Variants in PCDHGA7 observed in about 807,000 individuals in gnomAD.
The protein encoded by PCDHGA7 is protocadherin gamma subfamily A, 7, also known as protocadherin gamma-A7.
In PCDHGA7, 44 loss-of-function variants were observed where a neutral mutation model predicts 58.3. The observed-to-expected ratio is 0.75, with a 90% confidence interval of 0.59 to 0.97. The LOEUF is 0.97. Ranked by LOEUF, PCDHGA7 falls within the 50% of genes least tolerant of loss-of-function variation. The probability of loss-of-function intolerance (pLI) is 0.00; values close to 1 mark genes in which losing one functional copy is unlikely to be tolerated. For missense variants in PCDHGA7, 1,266 were observed against 1,188.7 expected (o/e 1.06, Z -0.96); for synonymous variants, 516 against 504.2 (o/e 1.02, Z -0.31).
intron 1 of PCDHGA7, chr5:141,394,355 G>A: frequency 6.2e-7 from 1 of 1,614,182 alleles, no homozygotes; most frequent in Non-Finnish European, 8.5e-7. Context: ...CCGGTGTCCT[G>A]TATGCGCTGC....
chr5:141,452,929 G>A (rs2154564099), intron 1 of PCDHGA7, among the ~76,000 whole-genome samples: 1 of 152,310 alleles, frequency 6.6e-6, no homozygotes, highest in Admixed American at 6.5e-5. Flanking sequence ...AAGAGCTGCT[G>A]AAGATTTGCT....
chr5:141,395,178 G>T (rs1201622292), intron 1 of PCDHGA7: 2 of 1,614,142 alleles, frequency 1.2e-6, no homozygotes, highest in Non-Finnish European at 1.7e-6. Context: ...TGAGAAAAAT[G>T]ATTCTTTGTT....
At chr5:141,414,670 A>G in intron 1 of PCDHGA7, 1 of 1,613,894 alleles carries the variant, frequency 6.2e-7, no homozygotes. Context: ...GGCTGAAGAC[A>G]CCATCCAGGG....
chr5:141,388,379 C>T (rs901735153), intron 1 of PCDHGA7: 1 of 1,613,998 alleles, frequency 6.2e-7, no homozygotes, highest in South Asian at 1.1e-5. Flanking sequence ...TTGGTAGCAA[C>T]ACACTGCAGA....
chr5:141,508,799 C>T (rs962590711), intron 3 of PCDHGA7, among the ~76,000 whole-genome samples: 1 of 152,110 alleles, frequency 6.6e-6, no homozygotes, highest in Non-Finnish European at 1.5e-5. Context: ...ACTCTGGAAT[C>T]CTGGCTCTTT....
At chr5:141,393,124 T>C in intron 1 of PCDHGA7, 2 of 1,613,430 alleles carry the variant, frequency 1.2e-6, no homozygotes. Flanking sequence ...CGGTGTCTGA[T>C]AAATATTAAC....
At chr5:141,444,329 G>A (rs536314842) in intron 1 of PCDHGA7, among the ~76,000 whole-genome samples, 17 of 151,674 alleles carry the variant, frequency 1.1e-4, no homozygotes, top group Admixed American at 1.1e-3. Flanking sequence ...GTGCCACCAC[G>A]CCCAGCTAAT....
intron 1 of PCDHGA7, chr5:141,395,077 A>T: frequency 6.2e-7 from 1 of 1,614,142 alleles, no homozygotes; most frequent in Non-Finnish European, 8.5e-7. Flanking sequence ...ACCTATTCCC[A>T]GGAAGTCTCC....
Position 141,503,999 on chromosome 5 carries a change from C to T in PCDHGA7, c.2484-1394C>T, listed in dbSNP as rs569153055. On this transcript the variant is annotated intron_variant, in intron 2 of 3. Coordinates refer to ENST00000518325, the MANE Select transcript of PCDHGA7 (RefSeq NM_018920.4). Reference sequence around the variant, plus strand: ...AACCCTTCTTCTTACCTTACAGTCACTTAACTGTCTCTGCTGGTCTCTTCC... The same window carrying T: ...AACCCTTCTTCTTACCTTACAGTCATTTAACTGTCTCTGCTGGTCTCTTCC... 2.0e-5 allele frequency among the ~76,000 whole-genome samples: 3 copies of T among 152,286 alleles called. No individual in the cohort carries two copies. The South Asian group carries it at 6.2e-4, about 32-fold the overall frequency.
intron 1 of PCDHGA7, among the ~76,000 whole-genome samples, chr5:141,435,568 A>C (rs564789030): frequency 8.7e-4 from 132 of 152,274 alleles, no homozygotes; most frequent in Middle Eastern, 6.8e-3. Context: ...TTTTTTTAGT[A>C]CTGGGGCAAA....
chr5:141,494,906 A>T, intron 2 of PCDHGA7, 41 bp downstream of exon 2: 1 of 1,613,800 alleles, frequency 6.2e-7, no homozygotes, highest in Non-Finnish European at 8.5e-7. Flanking sequence ...TCTCTGCGGC[A>T]TTTTCTCAGG....
chr5:141,419,397 T>G (rs1280096838), intron 1 of PCDHGA7: 3 of 1,613,312 alleles, frequency 1.9e-6, no homozygotes. Flanking sequence ...CAGAGCGGGG[T>G]GGTGTTCGCG....
intron 1 of PCDHGA7, chr5:141,414,518 A>G (rs746198767): frequency 1.9e-6 from 3 of 1,614,000 alleles, no homozygotes; most frequent in Non-Finnish European, 2.5e-6. Flanking sequence ...CAAGTGGCAG[A>G]TATCAATGAC....
Position 141,407,403 on chromosome 5 carries a change from A to G in PCDHGA7, c.2424+22080A>G, listed in dbSNP as rs964260933. 2.0e-5 allele frequency among the ~76,000 whole-genome samples: 3 copies of G among 152,220 alleles called. No individual in the cohort carries two copies. In the East Asian group the frequency reaches 5.8e-4, roughly 29 times the overall value. Reference sequence around the variant, plus strand: ...TTGTATGTCATGGTAGGTAGTTACTATTCGATACCACAAAAATGTCTCTTG... The same window carrying G: ...TTGTATGTCATGGTAGGTAGTTACTGTTCGATACCACAAAAATGTCTCTTG... On this transcript the variant is annotated intron_variant, in intron 1 of 3. Transcript: ENST00000518325.
At chr5:141,447,837 G>A (rs952923627) in intron 1 of PCDHGA7, among the ~76,000 whole-genome samples, 10 of 152,170 alleles carry the variant, frequency 6.6e-5, no homozygotes, top group African/African-American at 2.4e-4. Flanking sequence ...TGTAATCCCA[G>A]TGCTTTGGGA....
intron 1 of PCDHGA7, chr5:141,393,996 G>C (rs1379037065): frequency 3.1e-6 from 5 of 1,613,290 alleles, no homozygotes; most frequent in East Asian, 2.2e-5. Flanking sequence ...TTTTAAATTA[G>C]AAAAGTCAAT....
At chr5:141,509,486 A>G (rs1022659275) in intron 3 of PCDHGA7, among the ~76,000 whole-genome samples, 10 of 152,132 alleles carry the variant, frequency 6.6e-5, no homozygotes, top group African/African-American at 2.4e-4. Flanking sequence ...GGTAGAGGTG[A>G]TGGCATGCTG....
intron 1 of PCDHGA7, chr5:141,389,206 G>A: frequency 6.2e-7 from 1 of 1,614,014 alleles, no homozygotes; most frequent in Non-Finnish European, 8.5e-7. Context: ...CTGCACATTG[G>A]TGATGTAAAT....
At position 141,394,887 on chromosome 5, in the gene PCDHGA7, T is replaced by C. The variant is rs781200096; in HGVS notation, c.2424+9564T>C. 63 of 1,613,752 alleles carry C rather than the reference T, an allele frequency of 3.9e-5. 1 individual carries two copies. In the Admixed American group the frequency reaches 1.0e-3, roughly 26 times the overall value. ...CCCGAACGATTCGAGCCTTACACTC[T>C]ATCTCGTGGTGGCAGTGGCTGCCAT... is the stretch of plus-strand genomic sequence containing the variant. On this transcript the variant is annotated intron_variant, in intron 1 of 3. Coordinates refer to ENST00000518325, the MANE Select transcript of PCDHGA7 (RefSeq NM_018920.4).
Sources: gnomAD v4.1 joint callset for allele counts (sites outside exome capture counted in the v4.1 genomes callset) on GRCh38, gnomAD v4.1.1 for gene constraint, MANE v1.5 for transcripts, NCBI Gene and HGNC (gene_info 2026-07-23, HGNC 2026-07-21) for gene names.